PBRM1: variants seen among roughly 807,000 people sequenced by gnomAD.
The protein encoded by PBRM1 is polybromo 1.
PBRM1 carries 27 observed loss-of-function variants against 194.5 expected under a neutral mutation model. That is an observed-to-expected ratio of 0.14 (90% CI 0.10 to 0.19). The LOEUF is 0.19. PBRM1 is among the 10% of genes least tolerant of loss of function. The probability of loss-of-function intolerance (pLI) is 1.00; values close to 1 mark genes in which losing one functional copy is unlikely to be tolerated. For synonymous variants in PBRM1, 655 were observed against 693.2 expected, an observed-to-expected ratio of 0.94 and a Z score of 0.87; for missense variants, 1,466 against 2,077.2, an observed-to-expected ratio of 0.71 and a Z score of 5.72.
intron 10 of PBRM1, among the ~76,000 whole-genome samples, 173 bp from the exon 12 acceptor site, chr3:52,634,988 C>T (rs969976998): frequency 6.6e-6 from 1 of 152,108 alleles, no homozygotes. Flanking sequence ...TGCAAGGGTG[C>T]GATCTTGGCT....
At chr3:52,627,423 AATAT>A in intron 12 of PBRM1, 53 bp from the exon 14 acceptor site, 2 of 1,010,238 alleles carry the variant, frequency 2.0e-6, no homozygotes, top group Non-Finnish European at 3.1e-6. Flanking sequence ...CACTCCTCTG[AATAT>A]ATGAATGTTA....
intron 18 of PBRM1, among the ~76,000 whole-genome samples, chr3:52,588,504 A>AAATG (rs1179522537): frequency 6.6e-6 from 1 of 151,962 alleles, no homozygotes; most frequent in African/African-American, 2.4e-5. Flanking sequence ...AATAAGTATC[A>AAATG]AATGAATGAA....
chr3:52,594,045 T>C (rs915615359), intron 17 of PBRM1, among the ~76,000 whole-genome samples: 1 of 152,202 alleles, frequency 6.6e-6, no homozygotes, highest in Non-Finnish European at 1.5e-5. Flanking sequence ...CTCCCCGTAT[T>C]GTGTGGGAGT....
chr3:52,685,638 C>T (rs1269152229), intron 1 of PBRM1, 111 bp downstream of exon 1: 2 of 148,692 alleles, frequency 1.3e-5, no homozygotes, highest in Non-Finnish European at 3.0e-5. Flanking sequence ...CCCGCGCGTC[C>T]CCACGGCCGG....
intron 25 of PBRM1, among the ~76,000 whole-genome samples, 175 bp downstream of exon 27, chr3:52,561,592 T>C (rs2083550594): frequency 6.6e-6 from 1 of 152,234 alleles, no homozygotes; most frequent in African/African-American, 2.4e-5. Context: ...GGCAGTGCTC[T>C]GCTCAGTCAG....
At chr3:52,619,423 A>G (rs1360315297) in intron 13 of PBRM1, among the ~76,000 whole-genome samples, 1 of 152,184 alleles carries the variant, frequency 6.6e-6, no homozygotes, top group Non-Finnish European at 1.5e-5. Context: ...AATGCTATAT[A>G]GTTGTTTTGT....
intron 25 of PBRM1, among the ~76,000 whole-genome samples, chr3:52,559,713 A>G (rs1371405274): frequency 6.6e-6 from 1 of 152,148 alleles, no homozygotes; most frequent in Non-Finnish European, 1.5e-5. Flanking sequence ...CAAGCAATCA[A>G]AGGCCTCTTG....
At chr3:52,636,894 G>A (rs2095844846) in intron 10 of PBRM1, among the ~76,000 whole-genome samples, 1 of 148,448 alleles carries the variant, frequency 6.7e-6, no homozygotes, top group African/African-American at 2.5e-5. Flanking sequence ...TGTGTTAAGA[G>A]CTTGATAAGT....
intron 13 of PBRM1, among the ~76,000 whole-genome samples, chr3:52,618,547 G>C (rs1477189567): frequency 6.6e-6 from 1 of 151,536 alleles, no homozygotes; most frequent in East Asian, 1.9e-4. Flanking sequence ...CAGTCTCCAA[G>C]TGAACAGTGA....
chr3:52,685,818 G>A, exon 1 of PBRM1: 1 of 381,872 alleles, frequency 2.6e-6, no homozygotes, highest in East Asian at 5.0e-5. Context: ...TGGCCGCCAC[G>A]GCTGCTGCTA....
At position 52,627,385 on chromosome 3, in the gene PBRM1, A is replaced by T. The variant is rs751494163; in HGVS notation, c.1444-15T>A. ...TTCTTCTTTGCCTAAAACAGAGCAG[A>T]TCTCAGGAGTTGAGCTCATGTGCCA... On this transcript the variant is annotated splice_polypyrimidine_tract_variant and intron_variant, in intron 12 of 29. Transcript: ENST00000296302. 6 of 1,543,320 alleles carry T rather than the reference A, an allele frequency of 3.9e-6. No homozygotes were observed. Among genetic ancestry groups the T allele is most frequent in the Non-Finnish European group, 5.4e-6 (6 of 1,116,134 alleles).
At chr3:52,562,078 T>C in intron 24 of PBRM1, 110 bp from the exon 27 acceptor site, 1 of 777,146 alleles carries the variant, frequency 1.3e-6, no homozygotes, top group Non-Finnish European at 2.3e-6. Context: ...TCCCAGCACT[T>C]TGGGGGGCCG....
At chr3:52,565,432 C>G (rs746730756) in intron 22 of PBRM1, among the ~76,000 whole-genome samples, 1 of 150,878 alleles carries the variant, frequency 6.6e-6, no homozygotes, top group East Asian at 2.0e-4. Flanking sequence ...TGCTTGAACC[C>G]GGAAGGCAGA....
intron 11 of PBRM1, among the ~76,000 whole-genome samples, chr3:52,631,511 C>T (rs976604645): frequency 3.9e-5 from 6 of 152,062 alleles, no homozygotes; most frequent in Non-Finnish European, 8.8e-5. Flanking sequence ...TACTATAAAG[C>T]ATCATATTTT....
chr3:52,546,380 C>T (rs1014239223), downstream of PBRM1: 3 of 229,184 alleles, frequency 1.3e-5, no homozygotes, highest in African/African-American at 6.7e-5. Context: ...TACTGCAATA[C>T]ATTTTTTTAA....
intron 20 of PBRM1, among the ~76,000 whole-genome samples, chr3:52,585,111 G>T (rs1458245849): frequency 6.6e-6 from 1 of 152,246 alleles, no homozygotes; most frequent in East Asian, 1.9e-4. Context: ...TGTTCTCAAA[G>T]AAGTAATTTG....
At chr3:52,657,434 T>C (rs1230691395) in intron 5 of PBRM1, among the ~76,000 whole-genome samples, 1 of 152,174 alleles carries the variant, frequency 6.6e-6, no homozygotes, top group Middle Eastern at 3.2e-3. Context: ...TGTGCTGCTG[T>C]GAGGAGGATC....
At chr3:52,559,614 T>A (rs2082980321) in intron 25 of PBRM1, among the ~76,000 whole-genome samples, 1 of 152,018 alleles carries the variant, frequency 6.6e-6, no homozygotes, top group African/African-American at 2.4e-5. Flanking sequence ...CACCACTGAT[T>A]TCAGGAGGGG....
rs140321372 is a variant in PBRM1 at position 52,594,920 on chromosome 3, C to T, written c.2780-5665G>A. Among the ~76,000 whole-genome samples the T allele has an allele frequency of 3.7e-4, 57 of 152,214 alleles. No individual in the cohort carries two copies. In the East Asian group the frequency reaches 8.5e-3, roughly 23 times the overall value. On this transcript the variant is annotated intron_variant, in intron 17 of 29. Coordinates refer to ENST00000296302, the Ensembl canonical transcript of PBRM1. ...CCCCCAATCTCTTCTTGGCTTGCAGCGTTTGTGCTGACAGGTGCACAGTCA... is the reference window on the plus strand; with the variant it reads ...CCCCCAATCTCTTCTTGGCTTGCAGTGTTTGTGCTGACAGGTGCACAGTCA...
Sources: allele counts gnomAD v4.1 joint callset (sites outside exome capture counted in the v4.1 genomes callset), GRCh38; gene constraint gnomAD v4.1.1; transcripts MANE v1.5; gene names NCBI Gene and HGNC (gene_info 2026-07-23, HGNC 2026-07-21).